NOX5: variants seen among roughly 807,000 people sequenced by gnomAD.
NOX5 encodes the protein NADPH oxidase, EF-hand calcium binding domain 5.
In NOX5, 76 loss-of-function variants were observed where a neutral mutation model predicts 85.7. The observed-to-expected ratio is 0.89, with a 90% CI of 0.74 to 1.07. The LOEUF is 1.07. Ranked by LOEUF, NOX5 falls within the 50% of genes least tolerant of loss-of-function variation. NOX5 has a pLI of 0.00. For missense variants in NOX5, 973 were observed against 999.5 expected, an observed-to-expected ratio of 0.97 and a Z score of 0.36; for synonymous variants, 405 against 401.4, an observed-to-expected ratio of 1.01 and a Z score of -0.11.
intron 10 of NOX5, among the ~76,000 whole-genome samples, chr15:69,044,442 G>A (rs1026390936): frequency 8.5e-5 from 13 of 152,314 alleles, no homozygotes; most frequent in African/African-American, 2.9e-4. Context: ...TCAAGAGGTA[G>A]GGATGGGAAA....
In NOX5 at chr15:69,035,855, G is replaced by A. The variant is rs1484299977; in HGVS notation, c.1107G>A (p.Pro369=). 11 of 1,613,982 alleles carry A rather than the reference G, an allele frequency of 6.8e-6. No individual in the cohort carries two copies. Among genetic ancestry groups the A allele is most frequent in the East Asian group, 6.7e-5 (3 of 44,894 alleles). Residue 369 remains proline (P), a synonymous_variant, in exon 7 of 16, where the codon CCG becomes CCA. Transcript: ENST00000388866. Reference sequence around the variant, plus strand: ...GCTGGGTACACGGTTCGGCCTCCCCGACAGGTGTCGCTCTGCTGCTGCTGC... The same window carrying A: ...GCTGGGTACACGGTTCGGCCTCCCCAACAGGTGTCGCTCTGCTGCTGCTGC... ...GIGWVHGSAS[P]TGVALLLLLL...
rs763287589 is a variant in NOX5, at chr15:69,028,341, C to T, written c.301C>T (p.Leu101Phe). Residue 101 changes from leucine (L) to phenylalanine (F), a missense_variant, in exon 3 of 16, where the codon CTC becomes TTC. Transcript: ENST00000388866. ...CAGCCCCATGGACAAACTCAAATTC[C>T]TCTTCCAGGTGTATGACATCGATGG... is the stretch of plus-strand genomic sequence containing the variant. ...HGSPMDKLKFLFQVYDIDVCA... is the reference protein window; with the variant it reads ...HGSPMDKLKFFFQVYDIDVCA... The T allele has an allele frequency of 9.9e-6, 16 of 1,609,894 alleles. No homozygotes were observed. Among genetic ancestry groups the T allele is most frequent in the Admixed American group, 6.7e-5 (4 of 59,552 alleles).
intron 3 of NOX5, chr15:69,028,701 C>G (rs1265038210): frequency 5.5e-6 from 1 of 182,852 alleles, no homozygotes; most frequent in Non-Finnish European, 1.1e-5. Flanking sequence ...GTTGTTTTTT[C>G]CTTTTCCTCA....
chr15:69,021,068 T>C (rs1371286236), intron 1 of NOX5, among the ~76,000 whole-genome samples: 1 of 152,220 alleles, frequency 6.6e-6, no homozygotes, highest in African/African-American at 2.4e-5. Flanking sequence ...GGTTTGTTTT[T>C]TTTTTAAAGT....
At chr15:69,046,630 G>A (rs551671339) in intron 10 of NOX5, among the ~76,000 whole-genome samples, 192 bp from the exon 11 acceptor site, 13 of 152,114 alleles carry the variant, frequency 8.5e-5, no homozygotes, top group African/African-American at 2.7e-4. Flanking sequence ...TTATCCCTTC[G>A]CCAGAAGTCA....
intron 14 of NOX5, among the ~76,000 whole-genome samples, chr15:69,052,341 T>A (rs183318094): frequency 6.6e-6 from 1 of 152,344 alleles, no homozygotes; most frequent in Non-Finnish European, 1.5e-5. Context: ...TCATCATTGT[T>A]AAGTATGATA....
At chr15:69,038,775 C>T in intron 8 of NOX5, 82 bp from the exon 9 acceptor site, 1 of 1,585,730 alleles carries the variant, frequency 6.3e-7, no homozygotes. Flanking sequence ...AGGAGGGCAG[C>T]CCAGCTTCTG....
At position 69,047,893 on chromosome 15, in the gene NOX5, C is replaced by T; in HGVS notation, c.1881C>T (p.Asp627=). The change falls in exon 13 of 16, where the codon GAC becomes GAT. Residue 627 remains aspartate, a synonymous_variant. Coordinates refer to ENST00000388866, the MANE Select transcript of NOX5 (RefSeq NM_024505.4). ...ACTCCTGGATCGAAGGTGTCCAAGA[C>T]AACATGAAGCTCCATAAGGTGAGTA... ...CQHSWIEGVQ[D]NMKLHKVDFI... is the part of the protein sequence containing the mutation. The T allele has an allele frequency of 6.2e-7, 1 of 1,614,206 alleles. No homozygotes were observed. The highest frequency in any genetic ancestry group is 8.5e-7 in the Non-Finnish European group (1 of 1,180,026).
At chr15:69,024,579 C>A (rs1332017887) in intron 1 of NOX5, among the ~76,000 whole-genome samples, 2 of 152,090 alleles carry the variant, frequency 1.3e-5, no homozygotes, top group African/African-American at 2.4e-5. Flanking sequence ...TTCAGAGAGA[C>A]CACATTTACT....
At chr15:69,044,448 G>A (rs1409562756) in intron 10 of NOX5, among the ~76,000 whole-genome samples, 1 of 152,098 alleles carries the variant, frequency 6.6e-6, no homozygotes, top group Admixed American at 6.5e-5. Context: ...GGTAGGGATG[G>A]GAAAAGTGCT....
At chr15:69,017,321 T>C (rs2050243296) in intron 1 of NOX5, among the ~76,000 whole-genome samples, 1 of 151,880 alleles carries the variant, frequency 6.6e-6, no homozygotes, top group Admixed American at 6.6e-5. Flanking sequence ...CAGGCTAATT[T>C]TTGTATTTTT....
At chr15:69,053,056 G>T (rs1379573712) in intron 14 of NOX5, among the ~76,000 whole-genome samples, 2 of 152,102 alleles carry the variant, frequency 1.3e-5, no homozygotes, top group African/African-American at 4.8e-5. Context: ...ATTTCTTTCA[G>T]GGTTTCTCAT....
chr15:69,039,379 T>C, intron 9 of NOX5, among the ~76,000 whole-genome samples: 1 of 46,342 alleles, frequency 2.2e-5, no homozygotes, highest in Non-Finnish European at 4.8e-5. Context: ...CTATGGGGGG[T>C]GGCGGGGGGT....
At chr15:69,055,997 G>A (rs766636739) in intron 15 of NOX5, among the ~76,000 whole-genome samples, 3 of 152,216 alleles carry the variant, frequency 2.0e-5, no homozygotes, top group Non-Finnish European at 4.4e-5. Flanking sequence ...TAAAAGTGCT[G>A]CAGATGACCC....
chr15:69,047,630 C>G, intron 12 of NOX5, 93 bp downstream of exon 12: 1 of 1,480,948 alleles, frequency 6.8e-7, no homozygotes, highest in Admixed American at 2.0e-5. Context: ...TCCTTCCTCT[C>G]CTTTCACCTG....
At chr15:69,025,999 A>C (rs1595770822) in intron 1 of NOX5, among the ~76,000 whole-genome samples, 2 of 152,196 alleles carry the variant, frequency 1.3e-5, no homozygotes, top group South Asian at 2.1e-4. Context: ...ATGGAAAAAA[A>C]CACTGGACTT....
Position 69,056,527 on chromosome 15 carries a change from A to G in NOX5, c.2167-38A>G, listed in dbSNP as rs768597481. On this transcript the variant is annotated intron_variant, in intron 15 of 15. Transcript: ENST00000388866. ...CACTGGTGAGTCAGCAGCTCCACCT[A>G]TCTTCCCTCTTCTCTTCCTCAACCC... 28 of 1,606,188 alleles carry G rather than the reference A, an allele frequency of 1.7e-5. 1 individual carries two copies. The South Asian group carries it at 2.7e-4, about 15-fold the overall frequency.
At chr15:69,030,171 A>G (rs1261594199) in intron 3 of NOX5, 1 of 152,192 alleles carries the variant, frequency 6.6e-6, no homozygotes, top group Non-Finnish European at 1.5e-5. Context: ...ATGATCTTAG[A>G]CTAGTTACTT....
At chr15:69,027,567 C>T (rs1457403944) in intron 2 of NOX5, among the ~76,000 whole-genome samples, 1 of 152,140 alleles carries the variant, frequency 6.6e-6, no homozygotes, top group Non-Finnish European at 1.5e-5. Flanking sequence ...CATCCCAGGA[C>T]ACAGCATCTT....
Sources: gnomAD v4.1 joint callset for allele counts (sites outside exome capture counted in the v4.1 genomes callset) on GRCh38, gnomAD v4.1.1 for gene constraint, MANE v1.5 for transcripts, NCBI Gene and HGNC (gene_info 2026-07-23, HGNC 2026-07-21) for gene names.